The following ACTR3C variants were observed in gnomAD, a reference collection of about 807,000 sequenced individuals.
ACTR3C encodes the protein actin-related protein 3C.
In ACTR3C, 18 loss-of-function variants were observed where a neutral mutation model predicts 26.3. That is an observed-to-expected ratio of 0.68 (90% CI 0.47 to 1.01). The LOEUF (loss-of-function observed/expected upper bound fraction) is 1.01. Ranked by LOEUF, ACTR3C falls within the 50% of genes least tolerant of loss-of-function variation. ACTR3C has a pLI of 0.00. For missense variants in ACTR3C, 184 were observed against 250.7 expected, an observed-to-expected ratio of 0.73 and a Z score of 1.80; for synonymous variants, 55 against 94.5, an observed-to-expected ratio of 0.58 and a Z score of 2.42.
intron 2 of ACTR3C, among the ~76,000 whole-genome samples, chr7:150,294,364 G>A (rs774410045): frequency 3.9e-5 from 6 of 152,234 alleles, no homozygotes; most frequent in Non-Finnish European, 8.8e-5. Context: ...AACCCTGGTC[G>A]AAGACGAAGC....
chr7:150,040,589 T>C, the ACTR3C span: 2 of 147,686 alleles, frequency 1.4e-5, no homozygotes, highest in Non-Finnish European at 3.0e-5. Context: ...AGATTGCAAA[T>C]AACCTGCTTT....
chr7:150,185,188 G>A, the ACTR3C span, among the ~76,000 whole-genome samples: 1 of 151,934 alleles, frequency 6.6e-6, no homozygotes, highest in Non-Finnish European at 1.5e-5. Context: ...ATAAATGAGT[G>A]CACAGATGTT....
the ACTR3C span, among the ~76,000 whole-genome samples, chr7:149,930,163 T>C: frequency 6.6e-6 from 1 of 152,180 alleles, no homozygotes; most frequent in South Asian, 2.1e-4. Flanking sequence ...TGTATGCCGC[T>C]GATGGGGAGG....
chr7:150,021,932 C>T, the ACTR3C span, among the ~76,000 whole-genome samples: 5 of 151,444 alleles, frequency 3.3e-5, no homozygotes, highest in Admixed American at 6.6e-5. Flanking sequence ...TATAGGCGTG[C>T]GTGCAAGTGT....
At chr7:150,232,557 C>T in the ACTR3C span, among the ~76,000 whole-genome samples, 1 of 146,682 alleles carries the variant, frequency 6.8e-6, no homozygotes, top group Admixed American at 6.7e-5. Context: ...GGCACAGTGA[C>T]TCATGCCTAT....
chr7:150,011,619 T>C, the ACTR3C span, among the ~76,000 whole-genome samples: 1 of 152,004 alleles, frequency 6.6e-6, no homozygotes, highest in African/African-American at 2.4e-5. Flanking sequence ...AAATAAGTAC[T>C]AAGCATACTA....
intron 6 of ACTR3C, among the ~76,000 whole-genome samples, chr7:150,266,534 C>A (rs1834054645): frequency 6.6e-6 from 1 of 151,958 alleles, no homozygotes; most frequent in Non-Finnish European, 1.5e-5. Flanking sequence ...AATTTCTTAG[C>A]TAGCACATAA....
At chr7:149,985,024 G>T in the ACTR3C span, among the ~76,000 whole-genome samples, 1 of 152,010 alleles carries the variant, frequency 6.6e-6, no homozygotes, top group Non-Finnish European at 1.5e-5. Flanking sequence ...ACTAATAATA[G>T]AACCTGCCTA....
the ACTR3C span, among the ~76,000 whole-genome samples, chr7:150,140,431 A>G: frequency 2.0e-5 from 3 of 152,218 alleles, no homozygotes; most frequent in Non-Finnish European, 4.4e-5. Flanking sequence ...TACTGTGGGT[A>G]AAATGTTATA....
the ACTR3C span, among the ~76,000 whole-genome samples, chr7:150,033,036 T>C: frequency 2.6e-5 from 4 of 152,124 alleles, no homozygotes; most frequent in Admixed American, 6.5e-5. Flanking sequence ...GACGGGCCAG[T>C]GCAATGATTG....
chr7:150,107,610 T>C, the ACTR3C span, among the ~76,000 whole-genome samples: 51 of 152,006 alleles, frequency 3.4e-4, 1 homozygote, highest in Non-Finnish European at 5.9e-4. Context: ...ACTTATGATA[T>C]TTCATATTTA....
intron 1 of ACTR3C, among the ~76,000 whole-genome samples, chr7:150,298,974 CTTTTTTTTTTT>C (rs550994860): frequency 1.1e-4 from 9 of 82,518 alleles, no homozygotes; most frequent in Non-Finnish European, 1.3e-4. Context: ...GTAATGAAAA[CTTTTTTTTTTT>C]TTTTTTTTTT....
chr7:150,310,892 G>A (rs924956938), intron 1 of ACTR3C, among the ~76,000 whole-genome samples: 7 of 152,188 alleles, frequency 4.6e-5, no homozygotes, highest in Admixed American at 2.6e-4. Context: ...AAAGGGTACC[G>A]AGTATCCCCT....
intron 1 of ACTR3C, among the ~76,000 whole-genome samples, chr7:150,300,346 C>T (rs886739494): frequency 6.6e-6 from 1 of 151,854 alleles, no homozygotes; most frequent in African/African-American, 2.4e-5. Context: ...AGCAAGACTC[C>T]ATCTCAAAAA....
At chr7:150,035,908 C>T in the ACTR3C span, among the ~76,000 whole-genome samples, 34 of 125,324 alleles carry the variant, frequency 2.7e-4, 1 homozygote, top group African/African-American at 6.9e-4. Context: ...AGTCCCCACC[C>T]TCGCGGGGGG....
chr7:150,099,199 C>T, the ACTR3C span, among the ~76,000 whole-genome samples: 2 of 146,202 alleles, frequency 1.4e-5, no homozygotes, highest in Non-Finnish European at 3.0e-5. Flanking sequence ...TGACTGACTC[C>T]ACTCTGCCAG....
chr7:150,098,714 C>T, the ACTR3C span, among the ~76,000 whole-genome samples: 3 of 151,850 alleles, frequency 2.0e-5, no homozygotes, highest in Non-Finnish European at 4.4e-5. Context: ...ACAATGAAAC[C>T]TGTAGGAGTT....
At chr7:150,079,800 G>C in the ACTR3C span, among the ~76,000 whole-genome samples, 1 of 152,046 alleles carries the variant, frequency 6.6e-6, no homozygotes, top group Non-Finnish European at 1.5e-5. Context: ...CTTCCACCAA[G>C]TGCACCCCTT....
At chr7:149,924,761 G>C in the ACTR3C span, among the ~76,000 whole-genome samples, 1 of 151,034 alleles carries the variant, frequency 6.6e-6, no homozygotes, top group Non-Finnish European at 1.5e-5. Context: ...ATGTAGCTGG[G>C]ATTACAGGCG....
Sources: gnomAD v4.1 joint callset for allele counts (sites outside exome capture counted in the v4.1 genomes callset) on GRCh38, gnomAD v4.1.1 for gene constraint, MANE v1.5 for transcripts, NCBI Gene and HGNC (gene_info 2026-07-23, HGNC 2026-07-21) for gene names.